The following B4GALT6 variants were observed in gnomAD, a reference collection of about 807,000 sequenced individuals.
The protein encoded by B4GALT6 is UDP-Gal:beta-GlcNAc beta-1,4-galactosyltransferase 6.
A neutral mutation model predicts 46.3 loss-of-function variants in B4GALT6; 14 were observed. That is an observed-to-expected ratio of 0.30 (90% CI 0.20 to 0.47). The LOEUF is 0.47. B4GALT6 is among the 20% of genes least tolerant of loss of function. The probability of loss-of-function intolerance (pLI) is 0.99; values close to 1 mark genes in which losing one functional copy is unlikely to be tolerated. For missense variants in B4GALT6, 386 were observed against 480.1 expected (o/e 0.80, Z 1.83); for synonymous variants, 168 against 162.0 (o/e 1.04, Z -0.28).
chr18:31,724,269 CGGCTGCGTCTCTG>C, the B4GALT6 span: 1 of 387,786 alleles, frequency 2.6e-6, no homozygotes, highest in Admixed American at 3.3e-5. Flanking sequence ...TGTCTTGTCC[CGGCTGCGTCTCTG>C]GGCCCCACGG....
chr18:31,708,276 G>T, the B4GALT6 span, among the ~76,000 whole-genome samples: 9 of 152,278 alleles, frequency 5.9e-5, no homozygotes, highest in South Asian at 2.1e-4. Flanking sequence ...TAAAAACACA[G>T]CACTATAGCT....
At chr18:31,670,447 A>G (rs985348656) in intron 1 of B4GALT6, among the ~76,000 whole-genome samples, 1 of 152,144 alleles carries the variant, frequency 6.6e-6, no homozygotes, top group Admixed American at 6.5e-5. Flanking sequence ...CAAAATTAAG[A>G]AAAGCAACAC....
At chr18:31,629,861 A>G (rs2073759227) in intron 6 of B4GALT6, among the ~76,000 whole-genome samples, 1 of 151,152 alleles carries the variant, frequency 6.6e-6, no homozygotes, top group African/African-American at 2.4e-5. Context: ...AAAAAAAAAA[A>G]AAAAGAAAAA....
rs186478420 is a variant in B4GALT6 at position 31,644,362 on chromosome 18, G to A, written c.471+993C>T. Among the ~76,000 whole-genome samples, 85 of 152,186 alleles carry A rather than the reference G, an allele frequency of 5.6e-4. No homozygotes were observed. In the South Asian group the frequency reaches 0.011, roughly 19 times the overall value. ...ACAAATAATACACATCTTCAAACACGAAGAGTTCATGGTAGATGAAGTCAG... is the reference window on the plus strand; with the variant it reads ...ACAAATAATACACATCTTCAAACACAAAGAGTTCATGGTAGATGAAGTCAG... On this transcript the variant is annotated intron_variant, in intron 4 of 8. Transcript: ENST00000306851.
intron 3 of B4GALT6, among the ~76,000 whole-genome samples, chr18:31,648,455 G>C (rs2074019678): frequency 6.6e-6 from 1 of 152,212 alleles, no homozygotes; most frequent in South Asian, 2.1e-4. Context: ...CAAGTACCTA[G>C]AAGGTCAAGG....
At chr18:31,637,916 T>C (rs1322936390) in intron 5 of B4GALT6, among the ~76,000 whole-genome samples, 1 of 152,108 alleles carries the variant, frequency 6.6e-6, no homozygotes, top group Non-Finnish European at 1.5e-5. Context: ...GTAGCCTAAA[T>C]TAGAAAATAA....
intron 3 of B4GALT6, among the ~76,000 whole-genome samples, chr18:31,648,591 T>G (rs1443499758): frequency 6.6e-6 from 1 of 152,240 alleles, no homozygotes; most frequent in African/African-American, 2.4e-5. Flanking sequence ...TATATCCTAA[T>G]GCTGAATTTG....
rs117520533 is a variant in B4GALT6, at chr18:31,678,125, C to T, written c.115+6187G>A. 5.3e-3 allele frequency among the ~76,000 whole-genome samples: 800 copies of T among 152,268 alleles called. 3 individuals are homozygous for T. The highest frequency in any genetic ancestry group is 9.5e-3 in the Non-Finnish European group (648 of 68,016). On this transcript the variant is annotated intron_variant, in intron 1 of 8. Transcript: ENST00000306851. The stretch of plus-strand genomic sequence containing the variant: ...AAGCCAGGGTGCTGCGGAGTCTAAG[C>T]ACACAGTATAAACACAGCACTGAGT...
upstream of B4GALT6, among the ~76,000 whole-genome samples, chr18:31,685,283 G>A (rs2074533268): frequency 7.1e-6 from 1 of 140,008 alleles, no homozygotes. Flanking sequence ...CAGGCGAAGA[G>A]CAACCGGGCG....
chr18:31,703,323 A>C, the B4GALT6 span, among the ~76,000 whole-genome samples: 1 of 152,080 alleles, frequency 6.6e-6, no homozygotes, highest in South Asian at 2.1e-4. Context: ...GGGTCTGAGG[A>C]GAAAAAAAAA....
At chr18:31,685,804 T>C (rs143624697), upstream of B4GALT6, 1 of 152,362 alleles carries the variant, frequency 6.6e-6, no homozygotes, top group Non-Finnish European at 1.5e-5. Context: ...AGGAACAAGG[T>C]GTATTTCCGA....
chr18:31,632,692 C>T (rs1039023575), intron 5 of B4GALT6, among the ~76,000 whole-genome samples: 1 of 152,206 alleles, frequency 6.6e-6, no homozygotes, highest in Non-Finnish European at 1.5e-5. Context: ...CAAGACTTTA[C>T]ATTATTAGGA....
At chr18:31,625,983 T>C (rs2073691150) in intron 8 of B4GALT6, among the ~76,000 whole-genome samples, 1 of 152,210 alleles carries the variant, frequency 6.6e-6, no homozygotes, top group South Asian at 2.1e-4. Context: ...CTTTTACAAT[T>C]AGACATCTTT....
chr18:31,688,225 A>C (rs1192204546), upstream of B4GALT6, among the ~76,000 whole-genome samples: 1 of 136,266 alleles, frequency 7.3e-6, no homozygotes, highest in Non-Finnish European at 1.5e-5. Context: ...AAAATGGAAT[A>C]TTTATATACA....
rs72370820 is a variant in B4GALT6 at position 31,679,669 on chromosome 18, ATC to A, written c.115+4641_115+4642del. Among the ~76,000 whole-genome samples the A allele has an allele frequency of 2.9e-3, 449 of 152,260 alleles. 1 individual carries two copies. Among genetic ancestry groups the A allele is most frequent in the African/African-American group, 9.7e-3 (404 of 41,544 alleles). Reference sequence around the variant, plus strand: ...TCACCTACATGATGAAGACAATCAAATCTCTCTCCTGGGCAGCACGCCCTTAC... The same window carrying A: ...TCACCTACATGATGAAGACAATCAAATCTCTCCTGGGCAGCACGCCCTTAC... On this transcript the variant is annotated intron_variant, in intron 1 of 8. Coordinates refer to ENST00000306851, the MANE Select transcript of B4GALT6 (RefSeq NM_004775.5).
chr18:31,710,939 C>A, the B4GALT6 span, among the ~76,000 whole-genome samples: 1 of 151,860 alleles, frequency 6.6e-6, no homozygotes, highest in African/African-American at 2.4e-5. Context: ...CTCCATGTGT[C>A]CTGTAAATTT....
chr18:31,672,616 A>G (rs910311507), intron 1 of B4GALT6, among the ~76,000 whole-genome samples: 2 of 152,246 alleles, frequency 1.3e-5, no homozygotes, highest in South Asian at 4.1e-4. Context: ...TAAAAACAAC[A>G]GCTTAAAAAA....
chr18:31,699,110 GA>G, the B4GALT6 span, among the ~76,000 whole-genome samples: 1 of 151,552 alleles, frequency 6.6e-6, no homozygotes, highest in Admixed American at 6.6e-5. Context: ...AAAGAAAAAG[GA>G]ATTCTTTTCT....
the B4GALT6 span, among the ~76,000 whole-genome samples, chr18:31,710,814 C>CCACACACACACACACACACACACA: frequency 4.7e-3 from 653 of 140,206 alleles, 9 homozygotes; most frequent in Admixed American, 0.011. Flanking sequence ...CCTGAATACA[C>CCACACACACACACACACACACACA]CACACACACA....
Sources: gnomAD v4.1 joint callset for allele counts (sites outside exome capture counted in the v4.1 genomes callset) on GRCh38, gnomAD v4.1.1 for gene constraint, MANE v1.5 for transcripts, NCBI Gene and HGNC (gene_info 2026-07-23, HGNC 2026-07-21) for gene names.